The following EIF4G2 variants were observed in gnomAD, a reference collection of about 807,000 sequenced individuals.
The protein encoded by EIF4G2 is eukaryotic translation initiation factor 4 gamma 2.
A neutral mutation model predicts 117.7 loss-of-function variants in EIF4G2; 8 were observed. The ratio of observed to expected loss-of-function variants is 0.07; its 90% confidence interval spans 0.04 to 0.12. The LOEUF (loss-of-function observed/expected upper bound fraction) is 0.12, where lower values mean the gene tolerates loss of function less well. Among genes scored for constraint, EIF4G2 ranks in the 10% least tolerant of loss-of-function variants. EIF4G2 has a pLI of 1.00. For missense variants in EIF4G2, 812 were observed against 1,086.2 expected (o/e 0.75, Z 3.55); for synonymous variants, 413 against 367.8 (o/e 1.12, Z -1.41).
chr11:10,803,736 C>T lies in EIF4G2; in HGVS notation c.703-146G>A. ...TTTCTACCAGTCTGGTTGATCAGTT[C>T]TAACTCTACTTTGTCAAACACACCA... On this transcript the variant is annotated intron_variant, in intron 8 of 21. Coordinates refer to ENST00000339995, the MANE Select transcript of EIF4G2 (RefSeq NM_001418.4). The surrounding 1 kb of genome is among the most constrained non-coding windows in gnomAD (Gnocchi z 4.0). The T allele has an allele frequency of 1.7e-6, 2 of 1,152,714 alleles. No individual in the cohort carries two copies. The highest frequency in any genetic ancestry group is 1.5e-5 in the South Asian group (1 of 68,724). 71.4% of individuals were successfully genotyped at this position (1,152,714 alleles called of 1,614,324 possible).
At chr11:10,804,573 C>A in intron 5 of EIF4G2, 155 bp from the exon 6 acceptor site, 1 of 926,704 alleles carries the variant, frequency 1.1e-6, no homozygotes. Context: ...TCCTGGGAGT[C>A]AGAAAATGCC....
chr11:10,800,246 G>A lies in EIF4G2; in HGVS notation c.1963C>T (p.Leu655=), dbSNP rs1409560231. The change falls in exon 18 of 22, where the codon CTG becomes TTG. Residue 655 remains leucine, a synonymous_variant. Coordinates refer to ENST00000339995, the MANE Select transcript of EIF4G2 (RefSeq NM_001418.4). The stretch of plus-strand genomic sequence containing the variant: ...TGAGCTAGTTCTGAAATGCTCACCA[G>A]CTCTGAAATGATGGCACGAGCTGCA... The A allele has an allele frequency of 6.2e-7, 1 of 1,614,214 alleles. No individual in the cohort carries two copies. The highest frequency in any genetic ancestry group is 1.1e-5 in the South Asian group (1 of 91,088).
At chr11:10,801,134 C>G in intron 14 of EIF4G2, 47 bp from the exon 15 acceptor site, 1 of 1,607,926 alleles carries the variant, frequency 6.2e-7, no homozygotes, top group Non-Finnish European at 8.5e-7. Context: ...ATGCAGTTGG[C>G]GAACATATTA....
At chr11:10,808,338 T>C in intron 1 of EIF4G2, 3 of 1,194,274 alleles carry the variant, frequency 2.5e-6, no homozygotes, top group South Asian at 1.5e-5. Context: ...GCCAACGGCC[T>C]GGCCTTCCCT....
At position 10,801,570 on chromosome 11, in the gene EIF4G2, G is replaced by A. The variant is rs372999209; in HGVS notation, c.1413+91C>T. 11 of 1,127,336 alleles carry A rather than the reference G, an allele frequency of 9.8e-6. No individual in the cohort carries two copies. In the African/African-American group the frequency reaches 1.7e-4, roughly 17 times the overall value. 69.8% of individuals were successfully genotyped at this position (1,127,336 alleles called of 1,614,324 possible). A position where few individuals can be genotyped will look rare whatever the true frequency, so the allele number is the denominator to read the frequency against. ...AAAACGTCAAGAACTCCAGCATAAA[G>A]TCCTCTTAATAACGCGTCTTTTTAT... On this transcript the variant is annotated intron_variant, in intron 14 of 21. Coordinates refer to ENST00000339995, the MANE Select transcript of EIF4G2 (RefSeq NM_001418.4).
In EIF4G2 at chr11:10,800,801, A is replaced by G; in HGVS notation, c.1574T>C (p.Leu525Pro). The change falls in exon 16 of 22, where the codon CTT becomes CCT. Residue 525 changes from leucine to proline, a missense_variant. Around this residue, in one of 4 missense-constraint regions of EIF4G2, gnomAD observed 571 missense variants for 642.3 expected, o/e 0.89. Coordinates refer to ENST00000339995, the MANE Select transcript of EIF4G2 (RefSeq NM_001418.4). ...GGTCTTGGCAGGCTTTTCCTGGATA[A>G]GCGGTGGATTAGTTTTGAGACCAAG... is the stretch of plus-strand genomic sequence containing the variant. The G allele has an allele frequency of 8.1e-6, 13 of 1,614,190 alleles. No homozygotes were observed. The highest frequency in any genetic ancestry group is 1.1e-5 in the Non-Finnish European group (13 of 1,180,026).
In EIF4G2 at chr11:10,799,652, T is replaced by C; in HGVS notation, c.2224A>G (p.Lys742Glu). 6.2e-7 allele frequency: 1 copy of C among 1,614,178 alleles called. No homozygotes were observed. The highest frequency in any genetic ancestry group is 8.5e-7 in the Non-Finnish European group (1 of 1,180,022). The change falls in exon 19 of 22, where the codon AAG becomes GAG. Residue 742 changes from lysine (K) to glutamate (E), a missense_variant. Around this residue, in one of 4 missense-constraint regions of EIF4G2, gnomAD observed 571 missense variants for 642.3 expected, o/e 0.89. Transcript: ENST00000339995. The stretch of plus-strand genomic sequence containing the variant: ...ATGGTTTGAGGGGATGGATCCAACT[T>C]TATTTGCTTCAACAGTTCCTTCTCC...
At position 10,799,876 on chromosome 11, in the gene EIF4G2, GAACC is replaced by G. The variant is rs1165486456; in HGVS notation, c.2120-124_2120-121del. ...TGTAAGATCCATGTAGCAGAATAGA[GAACC>G]AACCCAGCAAATGAAAAAAACTCAA... On this transcript the variant is annotated intron_variant, in intron 18 of 21. Coordinates refer to ENST00000339995, the MANE Select transcript of EIF4G2 (RefSeq NM_001418.4). 13 of 1,281,140 alleles carry G rather than the reference GAACC, an allele frequency of 1.0e-5. No individual in the cohort carries two copies. The East Asian group carries it at 2.2e-4, about 21-fold the overall frequency. 79.4% of individuals were successfully genotyped at this position (1,281,140 alleles called of 1,614,324 possible). A position where few individuals can be genotyped will look rare whatever the true frequency, so the allele number is the denominator to read the frequency against.
intron 1 of EIF4G2, chr11:10,808,220 A>ACT (rs538970866): frequency 1.8e-6 from 2 of 1,133,828 alleles, no homozygotes; most frequent in Non-Finnish European, 2.2e-6. Context: ...AGAAATCATC[A>ACT]CTCTCTCTTT....
intron 1 of EIF4G2, chr11:10,807,785 T>C (rs1218115662): frequency 1.0e-6 from 1 of 990,762 alleles, no homozygotes; most frequent in African/African-American, 1.7e-5. Flanking sequence ...CTCCGAAAGC[T>C]CTTCAGCAGT....
chr11:10,802,063 A>C lies in EIF4G2; in HGVS notation c.1285T>G (p.Phe429Val). 6.2e-7 allele frequency: 1 copy of C among 1,613,740 alleles called. No homozygotes were observed. The highest frequency in any genetic ancestry group is 8.5e-7 in the Non-Finnish European group (1 of 1,179,800). Residue 429 changes from phenylalanine (F) to valine (V), a missense_variant, in exon 13 of 22, where the codon TTT (phenylalanine) becomes GTT (valine). Around this residue, in one of 4 missense-constraint regions of EIF4G2, gnomAD observed 571 missense variants for 642.3 expected, o/e 0.89. Transcript: ENST00000339995. ...ATATTACTTACCTGGCTTTTCATAAACTTGCCTCCCATCTCTCCAAACTGC... is the reference window on the plus strand; with the variant it reads ...ATATTACTTACCTGGCTTTTCATAACCTTGCCTCCCATCTCTCCAAACTGC...
In EIF4G2 at chr11:10,799,265, G is replaced by C. The variant is rs1288709373; in HGVS notation, c.2484C>G (p.Val828=). ...GCACCTGGAGAGCATACAGGGCACT[G>C]ACTTGTAGATCAACGTGATCATGAA... is the stretch of plus-strand genomic sequence containing the variant. The change falls in exon 20 of 22, where the codon GTC becomes GTG. Residue 828 remains valine (V), a synonymous_variant. Transcript: ENST00000339995. 2 of 1,614,140 alleles carry C rather than the reference G, an allele frequency of 1.2e-6. No homozygotes were observed. The highest frequency in any genetic ancestry group is 1.6e-4 in the Middle Eastern group (1 of 6,062).
intron 4 of EIF4G2, 73 bp downstream of exon 4, chr11:10,805,834 T>C (rs2135419159): frequency 1.2e-6 from 2 of 1,603,014 alleles, no homozygotes; most frequent in East Asian, 2.2e-5. Flanking sequence ...GCCTTCTTAG[T>C]AATACAGCAC....
Position 10,803,892 on chromosome 11 carries a change from C to T in EIF4G2, c.702+7G>A. On this transcript the variant is annotated splice_region_variant and intron_variant, in intron 8 of 21. Transcript: ENST00000339995. This position sits in a 1 kb window ranked among gnomAD's most constrained non-coding sequence, Gnocchi z 4.0. ...CTACATTCGCCTAACTTCCCTGTCA[C>T]ACTTACTGTTTTGATGCACTTATGA... 6.2e-7 allele frequency: 1 copy of T among 1,607,736 alleles called. No individual in the cohort carries two copies. Among genetic ancestry groups the T allele is most frequent in the East Asian group, 2.2e-5 (1 of 44,746 alleles).
chr11:10,801,336 A>T, intron 14 of EIF4G2: 1 of 631,670 alleles, frequency 1.6e-6, no homozygotes, highest in Non-Finnish European at 2.7e-6. Context: ...AAAATATTCA[A>T]ATAAAAAACT....
intron 15 of EIF4G2, 61 bp downstream of exon 15, chr11:10,800,901 C>T: frequency 1.2e-6 from 2 of 1,611,468 alleles, no homozygotes; most frequent in East Asian, 2.2e-5. Flanking sequence ...GAAGAACACA[C>T]TAAATTTAGA....
intron 18 of EIF4G2, 40 bp downstream of exon 18, chr11:10,800,050 A>G: frequency 2.5e-6 from 4 of 1,592,378 alleles, no homozygotes; most frequent in Admixed American, 1.7e-5. Flanking sequence ...TCTAGATATA[A>G]TATTAAAAAA....
At chr11:10,808,637 G>A (rs969838254) in intron 1 of EIF4G2, 68 bp downstream of exon 1, 8 of 420,718 alleles carry the variant, frequency 1.9e-5, no homozygotes, top group Non-Finnish European at 2.8e-5. Flanking sequence ...TACCACTCGA[G>A]AAGAAGCGAC....
In EIF4G2 at chr11:10,808,923, T is replaced by G. The variant is rs373511742; in HGVS notation, c.-305A>C. The G allele has an allele frequency of 1.9e-5, 3 of 154,362 alleles. No homozygotes were observed. The highest frequency in any genetic ancestry group is 4.4e-5 in the Non-Finnish European group (3 of 68,714). 9.6% of individuals were successfully genotyped at this position (154,362 alleles called of 1,614,324 possible). A position where few individuals can be genotyped will look rare whatever the true frequency, so the allele number is the denominator to read the frequency against. On this transcript the variant is annotated 5_prime_UTR_variant, in exon 1 of 22. Coordinates refer to ENST00000339995, the MANE Select transcript of EIF4G2 (RefSeq NM_001418.4). Reference sequence around the variant, plus strand: ...CCTCCATAGAGCTCCGACTCACTGCTGGCGCTAAGGCGTGTCTGAAGCCGA... The same window carrying G: ...CCTCCATAGAGCTCCGACTCACTGCGGGCGCTAAGGCGTGTCTGAAGCCGA...
Sources: gnomAD v4.1 joint callset for allele counts on GRCh38, gnomAD v4.1.1 for gene constraint, gnomAD v4.1.1 regional missense constraint, Gnocchi (gnomAD v3.1) non-coding constraint, MANE v1.5 for transcripts, NCBI Gene and HGNC (gene_info 2026-07-23, HGNC 2026-07-21) for gene names.